Variants in DNAH2 observed in about 807,000 individuals in gnomAD.
DNAH2 encodes dynein axonemal heavy chain 2.
Under a neutral mutation model 523.5 loss-of-function variants are expected in DNAH2, and 323 were observed. The ratio of observed to expected loss-of-function variants is 0.62; its 90% confidence interval spans 0.56 to 0.68. The LOEUF (loss-of-function observed/expected upper bound fraction) is 0.68. Among genes scored for constraint, DNAH2 ranks in the 30% least tolerant of loss-of-function variants. The pLI is 0.00. For synonymous variants in DNAH2, 2,093 were observed against 2,177.4 expected (o/e 0.96, Z 1.08); for missense variants, 4,907 against 5,701.5 (o/e 0.86, Z 4.49).
chr17:7,803,175 G>A (rs949714676), intron 58 of DNAH2, among the ~76,000 whole-genome samples: 1 of 152,084 alleles, frequency 6.6e-6, no homozygotes, highest in African/African-American at 2.4e-5. Flanking sequence ...CGCACAGGTG[G>A]AGGGCTCAGT....
chr17:7,736,691 G>C (rs929645933), intron 7 of DNAH2, among the ~76,000 whole-genome samples: 4 of 152,104 alleles, frequency 2.6e-5, no homozygotes, highest in Non-Finnish European at 5.9e-5. Flanking sequence ...TGGTTAAAAA[G>C]CACTTGTGGG....
chr17:7,826,672 G>T (rs2078030365), intron 77 of DNAH2, among the ~76,000 whole-genome samples: 1 of 151,208 alleles, frequency 6.6e-6, no homozygotes, highest in Non-Finnish European at 1.5e-5. Context: ...CCGAGTAGCT[G>T]GGATTACAGG....
At chr17:7,764,683 A>C (rs931976661) in intron 20 of DNAH2, among the ~76,000 whole-genome samples, 7 of 151,348 alleles carry the variant, frequency 4.6e-5, no homozygotes, top group Non-Finnish European at 1.0e-4. Context: ...GCTGGTCTTA[A>C]ACTCCTGAAC....
chr17:7,780,210 A>G lies in DNAH2; in HGVS notation c.5776A>G (p.Ile1926Val), dbSNP rs766648324. Reference sequence around the variant, plus strand: ...AAATCTTAAATCCATGTTCCGCCCAATTGCCATGGTGGTGCCTGACTCCAC... The same window carrying G: ...AAATCTTAAATCCATGTTCCGCCCAGTTGCCATGGTGGTGCCTGACTCCAC... ...PENLKSMFRP[I>V]AMVVPDSTLI... is the part of the protein sequence containing the mutation. Residue 1926 changes from isoleucine (I) to valine (V), a missense_variant, in exon 37 of 86, where the codon ATT (isoleucine) becomes GTT (valine). Coordinates refer to ENST00000572933, the MANE Select transcript of DNAH2 (RefSeq NM_020877.5). This position sits in a 1 kb window ranked among gnomAD's most constrained non-coding sequence, Gnocchi z 4.4. 1 of 1,614,162 alleles carries G rather than the reference A, an allele frequency of 6.2e-7. No homozygotes were observed. The highest frequency in any genetic ancestry group is 2.2e-5 in the East Asian group (1 of 44,884).
intron 48 of DNAH2, among the ~76,000 whole-genome samples, chr17:7,793,518 C>CTTTCT (rs1227502000): frequency 8.0e-5 from 6 of 75,198 alleles, no homozygotes; most frequent in Non-Finnish European, 1.6e-4. Flanking sequence ...TTTCTTTCTT[C>CTTTCT]TCTTTCTCTT....
rs369302435 is a variant in DNAH2, at chr17:7,794,242, G to A, written c.7570-12G>A. On this transcript the variant is annotated splice_polypyrimidine_tract_variant and intron_variant, in intron 48 of 85. Transcript: ENST00000572933. Reference sequence around the variant, plus strand: ...CTCCTGCCTGTCTGCCCTCCTTGTCGCTGCTCTCTAGGAAATGTTCCTGAT... The same window carrying A: ...CTCCTGCCTGTCTGCCCTCCTTGTCACTGCTCTCTAGGAAATGTTCCTGAT... 5.5e-5 allele frequency: 87 copies of A among 1,594,096 alleles called. 1 individual carries two copies. The Admixed American group carries it at 5.9e-4, about 11-fold the overall frequency.
chr17:7,723,249 T>C (rs11652219), intron 2 of DNAH2, among the ~76,000 whole-genome samples: 15,537 of 143,110 alleles, frequency 0.11, 1,125 homozygotes, highest in South Asian at 0.22. Context: ...GGATTACAGG[T>C]GTGAGCCACT....
intron 7 of DNAH2, 27 bp from the exon 8 acceptor site, chr17:7,737,040 C>G: frequency 6.3e-7 from 1 of 1,596,600 alleles, no homozygotes; most frequent in Non-Finnish European, 8.6e-7. Context: ...GTGCATAAAT[C>G]TATTTCTCAT....
At chr17:7,743,210 C>A in intron 12 of DNAH2, 68 bp downstream of exon 12, 1 of 1,406,376 alleles carries the variant, frequency 7.1e-7, no homozygotes, top group Non-Finnish European at 1.0e-6. Flanking sequence ...ATTTCACTCC[C>A]ATCTTTTGAC....
At chr17:7,793,277 G>A (rs1252513014) in intron 48 of DNAH2, 72 bp downstream of exon 48, 6 of 1,510,716 alleles carry the variant, frequency 4.0e-6, no homozygotes, top group Non-Finnish European at 4.5e-6. Context: ...ACTCCACTGG[G>A]GCCCCAGGCT....
rs2078210670 is a variant in DNAH2, at chr17:7,832,539, C to G, written c.12727-40C>G. 2 of 1,595,038 alleles carry G rather than the reference C, an allele frequency of 1.3e-6. No individual in the cohort carries two copies. The highest frequency in any genetic ancestry group is 1.7e-6 in the Non-Finnish European group (2 of 1,169,014). ...TAAATAAATAATACGGATTTGAATG[C>G]ACGGCTAAATGAGTGAATACACACG... On this transcript the variant is annotated intron_variant, in intron 82 of 85. Coordinates refer to ENST00000572933, the MANE Select transcript of DNAH2 (RefSeq NM_020877.5). This position sits in a 1 kb window ranked among gnomAD's most constrained non-coding sequence, Gnocchi z 4.3.
rs149005102 is a variant in DNAH2 at position 7,725,191 on chromosome 17, G to C, written c.228+1502G>C. ...TGCAATCTCCGCCTCCCAGGCTCAA[G>C]TGATTCTCATGTCTCGGCCTCCTGA... On this transcript the variant is annotated intron_variant, in intron 3 of 85. Transcript: ENST00000572933. 4.8e-3 allele frequency among the ~76,000 whole-genome samples: 733 copies of C among 151,918 alleles called. 6 individuals are homozygous for C. The highest frequency in any genetic ancestry group is 0.017 in the African/African-American group (700 of 41,392).
rs1487935909 is a variant in DNAH2 at position 7,754,610 on chromosome 17, C to T, written c.1905-2481C>T. 14 of 1,507,362 alleles carry T rather than the reference C, an allele frequency of 9.3e-6. No individual in the cohort carries two copies. Among genetic ancestry groups the T allele is most frequent in the Non-Finnish European group, 1.1e-5 (12 of 1,099,312 alleles). 93.4% of individuals were successfully genotyped at this position (1,507,362 alleles called of 1,614,324 possible). ...CACGTGCCGAGGCTCTCAAGGCCCT[C>T]GTAAAGCCCAAGGAGGTTAAGCCCA... On this transcript the variant is annotated intron_variant, in intron 12 of 85. Coordinates refer to ENST00000572933, the MANE Select transcript of DNAH2 (RefSeq NM_020877.5). This position sits in a 1 kb window ranked among gnomAD's most constrained non-coding sequence, Gnocchi z 4.6.
chr17:7,796,861 A>G (rs1466483433), intron 50 of DNAH2, among the ~76,000 whole-genome samples: 1 of 148,988 alleles, frequency 6.7e-6, no homozygotes, highest in African/African-American at 2.5e-5. Flanking sequence ...AGGCCAACGC[A>G]GGCAGATCAC....
In DNAH2 at chr17:7,832,147, T is replaced by A. The variant is rs1339230931; in HGVS notation, c.12726+372T>A. Among the ~76,000 whole-genome samples, 1 of 152,190 alleles carries A rather than the reference T, an allele frequency of 6.6e-6. No homozygotes were observed. Among genetic ancestry groups the A allele is most frequent in the African/African-American group, 2.4e-5 (1 of 41,448 alleles). ...TAGAAGTTGGCTTTGGAGAGCTTTGTTCACCTGTAGTTGGGGAACAGGGGC... is the reference window on the plus strand; with the variant it reads ...TAGAAGTTGGCTTTGGAGAGCTTTGATCACCTGTAGTTGGGGAACAGGGGC... On this transcript the variant is annotated intron_variant, in intron 82 of 85. Coordinates refer to ENST00000572933, the MANE Select transcript of DNAH2 (RefSeq NM_020877.5). The surrounding 1 kb of genome is among the most constrained non-coding windows in gnomAD (Gnocchi z 4.3).
intron 2 of DNAH2, among the ~76,000 whole-genome samples, chr17:7,722,264 C>CA (rs1291477391): frequency 6.6e-6 from 1 of 152,146 alleles, no homozygotes; most frequent in African/African-American, 2.4e-5. Flanking sequence ...CTCAGCCTCC[C>CA]AAAGTGCTGG....
intron 73 of DNAH2, among the ~76,000 whole-genome samples, chr17:7,822,619 T>TTGCTA (rs201308318): frequency 0.033 from 5,077 of 151,846 alleles, 301 homozygotes; most frequent in African/African-American, 0.12. Context: ...ACTAGATAAT[T>TTGCTA]TACTTATTTG....
At position 7,774,989 on chromosome 17, in the gene DNAH2, G is replaced by A. The variant is rs375389783; in HGVS notation, c.4719+13G>A. ...GAGAATCCAGAAGGTCAGTAGAAGTGGCCACAGTGAGATGCTGGGTGGCGA... is the reference window on the plus strand; with the variant it reads ...GAGAATCCAGAAGGTCAGTAGAAGTAGCCACAGTGAGATGCTGGGTGGCGA... On this transcript the variant is annotated intron_variant, in intron 29 of 85. Transcript: ENST00000572933. The A allele has an allele frequency of 2.9e-5, 47 of 1,612,268 alleles. No individual in the cohort carries two copies. The highest frequency in any genetic ancestry group is 3.9e-5 in the Non-Finnish European group (46 of 1,179,358).
chr17:7,804,221 C>T (rs756512469), intron 58 of DNAH2, 35 bp from the exon 59 acceptor site: 286 of 1,609,032 alleles, frequency 1.8e-4, no homozygotes, highest in African/African-American at 4.7e-4. Context: ...CCGGAAGCCC[C>T]GCCTCTCCAC....
Sources: allele counts gnomAD v4.1 joint callset (sites outside exome capture counted in the v4.1 genomes callset), GRCh38; gene constraint gnomAD v4.1.1; non-coding constraint Gnocchi (gnomAD v3.1); transcripts MANE v1.5; gene names NCBI Gene and HGNC (gene_info 2026-07-23, HGNC 2026-07-21).